The following ADAMTS6 variants were observed in gnomAD, a reference collection of about 807,000 sequenced individuals.
ADAMTS6 encodes A disintegrin and metalloproteinase with thrombospondin motifs 6.
In ADAMTS6, 23 loss-of-function variants were observed where a neutral mutation model predicts 144.3. That is an observed-to-expected ratio of 0.16 (90% CI 0.11 to 0.23). ADAMTS6 has a LOEUF of 0.23. Ranked by LOEUF, ADAMTS6 falls within the 10% of genes least tolerant of loss-of-function variation. The pLI, the probability that ADAMTS6 is intolerant of heterozygous loss-of-function variation, is 1.00. For missense variants in ADAMTS6, 999 were observed against 1,379.6 expected, an observed-to-expected ratio of 0.72 and a Z score of 4.37; for synonymous variants, 444 against 457.5, an observed-to-expected ratio of 0.97 and a Z score of 0.38.
At position 65,329,414 on chromosome 5, in the gene ADAMTS6, C is replaced by T. The variant is rs1746490631; in HGVS notation, c.1187G>A (p.Gly396Asp). ...SCSINEDIGL[G>D]SAFTIAHEIG... ...CTCATGTGCAATGGTAAAAGCTGAA[C>T]CCAGGCCAATGTCTTCATTAATGCT... Residue 396 changes from glycine (G) to aspartate (D), a missense_variant, in exon 9 of 25, where the codon GGT becomes GAT. Gly to Asp is a moderately conservative substitution (Grantham distance 94). Around this residue, in one of 3 missense-constraint regions of ADAMTS6, gnomAD observed 128 missense variants for 249.0 expected, o/e 0.51. Transcript: ENST00000381055. 1 of 1,612,890 alleles carries T rather than the reference C, an allele frequency of 6.2e-7. No individual in the cohort carries two copies. The highest frequency in any genetic ancestry group is 8.5e-7 in the Non-Finnish European group (1 of 1,179,316).
At chr5:65,340,683 A>G (rs1202890237) in intron 7 of ADAMTS6, among the ~76,000 whole-genome samples, 1 of 152,030 alleles carries the variant, frequency 6.6e-6, no homozygotes, top group Non-Finnish European at 1.5e-5. Context: ...ATAGATTTAA[A>G]AAAAAAAGGA....
chr5:65,421,626 G>A (rs984620083), intron 7 of ADAMTS6, among the ~76,000 whole-genome samples: 1 of 152,050 alleles, frequency 6.6e-6, no homozygotes, highest in African/African-American at 2.4e-5. Context: ...GCATGGTATT[G>A]GTATAAAAGT....
chr5:65,359,659 A>G (rs7730040), intron 7 of ADAMTS6, among the ~76,000 whole-genome samples: 41,577 of 152,062 alleles, frequency 0.27, 6,597 homozygotes, highest in South Asian at 0.41. Flanking sequence ...TTCTACATAA[A>G]CACAATGAAA....
intron 4 of ADAMTS6, among the ~76,000 whole-genome samples, chr5:65,457,960 C>T (rs245523): frequency 0.38 from 56,960 of 151,268 alleles, 11,121 homozygotes; most frequent in South Asian, 0.44. Flanking sequence ...CTCCTGACCT[C>T]GTGATCCGCC....
chr5:65,184,990 G>A (rs981596216), intron 22 of ADAMTS6, among the ~76,000 whole-genome samples: 3 of 152,168 alleles, frequency 2.0e-5, no homozygotes. Flanking sequence ...TCAGACAGCT[G>A]AGAGTTGGAA....
intron 7 of ADAMTS6, among the ~76,000 whole-genome samples, chr5:65,442,762 C>CTATCAACCCA (rs538779346): frequency 0.027 from 4,166 of 152,158 alleles, 78 homozygotes; most frequent in South Asian, 0.053. Flanking sequence ...TTTGTTGCAC[C>CTATCAACCCA]TATCAACCCA....
chr5:65,399,025 G>GGT (rs1212253855), intron 7 of ADAMTS6, among the ~76,000 whole-genome samples: 4 of 152,162 alleles, frequency 2.6e-5, no homozygotes, highest in African/African-American at 9.6e-5. Flanking sequence ...GGGAGGCCGA[G>GGT]GTGGATGGAT....
At chr5:65,184,623 C>G (rs543993370) in intron 22 of ADAMTS6, among the ~76,000 whole-genome samples, 6 of 152,282 alleles carry the variant, frequency 3.9e-5, no homozygotes, top group Admixed American at 1.3e-4. Context: ...TGGACCCCAT[C>G]CACAGTATGC....
At chr5:65,419,805 A>ATG (rs1755861183) in intron 7 of ADAMTS6, among the ~76,000 whole-genome samples, 1 of 152,224 alleles carries the variant, frequency 6.6e-6, no homozygotes, top group Non-Finnish European at 1.5e-5. Flanking sequence ...TAGAGAAATA[A>ATG]TGTAAATTAG....
intron 15 of ADAMTS6, among the ~76,000 whole-genome samples, chr5:65,238,457 G>A (rs1758873878): frequency 6.6e-6 from 1 of 151,738 alleles, no homozygotes; most frequent in Admixed American, 6.6e-5. Context: ...ACAACTAGCT[G>A]GACATGACAG....
At chr5:65,324,656 A>G (rs80294431) in intron 9 of ADAMTS6, among the ~76,000 whole-genome samples, 4,868 of 152,150 alleles carry the variant, frequency 0.032, 127 homozygotes, top group Middle Eastern at 0.051. Flanking sequence ...CATAAATATG[A>G]TGAAGACTTT....
chr5:65,412,890 T>C (rs1408779712), intron 7 of ADAMTS6, among the ~76,000 whole-genome samples: 1 of 152,180 alleles, frequency 6.6e-6, no homozygotes, highest in Non-Finnish European at 1.5e-5. Context: ...TAGTTGAAAA[T>C]GTTAATATTA....
chr5:65,371,957 G>T (rs1350661487), intron 7 of ADAMTS6, among the ~76,000 whole-genome samples: 2 of 152,080 alleles, frequency 1.3e-5, no homozygotes, highest in Admixed American at 1.3e-4. Flanking sequence ...AAGAGAGTGG[G>T]CGCCAATATT....
intron 11 of ADAMTS6, among the ~76,000 whole-genome samples, chr5:65,274,973 C>T (rs750173865): frequency 5.4e-4 from 82 of 152,050 alleles, no homozygotes; most frequent in Admixed American, 2.6e-4. Flanking sequence ...CGTGAGCCAC[C>T]GTGCCTGGTC....
chr5:65,307,723 G>C (rs997433315), intron 9 of ADAMTS6, among the ~76,000 whole-genome samples: 1 of 152,130 alleles, frequency 6.6e-6, no homozygotes, highest in African/African-American at 2.4e-5. Context: ...GCATGTTGTC[G>C]GTCCAGTTCT....
intron 7 of ADAMTS6, among the ~76,000 whole-genome samples, chr5:65,433,187 T>C (rs150312052): frequency 6.6e-6 from 1 of 152,188 alleles, no homozygotes; most frequent in Non-Finnish European, 1.5e-5. Context: ...CCATGAAAAA[T>C]TGGTTGCTGC....
chr5:65,398,326 A>G (rs558551549), intron 7 of ADAMTS6, among the ~76,000 whole-genome samples: 1 of 152,318 alleles, frequency 6.6e-6, no homozygotes, highest in East Asian at 1.9e-4. Flanking sequence ...GCAAATATAC[A>G]TTAAAGATTG....
At chr5:65,212,752 C>CT (rs1338729646) in intron 20 of ADAMTS6, among the ~76,000 whole-genome samples, 1 of 152,182 alleles carries the variant, frequency 6.6e-6, no homozygotes, top group Non-Finnish European at 1.5e-5. Context: ...TGAAGCGGCT[C>CT]TAAGAATTTC....
At chr5:65,239,259 TG>T (rs1758953347) in intron 15 of ADAMTS6, among the ~76,000 whole-genome samples, 1 of 96,250 alleles carries the variant, frequency 1.0e-5, no homozygotes, top group Non-Finnish European at 2.0e-5. Flanking sequence ...TAGAACTTAA[TG>T]TATAAAAAAA....
Sources: gnomAD v4.1 joint callset for allele counts (sites outside exome capture counted in the v4.1 genomes callset) on GRCh38, gnomAD v4.1.1 for gene constraint, gnomAD v4.1.1 regional missense constraint, MANE v1.5 for transcripts, NCBI Gene and HGNC (gene_info 2026-07-23, HGNC 2026-07-21) for gene names.